Variants in ANXA11 observed in about 807,000 individuals in gnomAD.
ANXA11 encodes 56 kDa autoantigen.
In ANXA11, 57 loss-of-function variants were observed where a neutral mutation model predicts 64.7. That is an observed-to-expected ratio of 0.88 (90% CI 0.71 to 1.10). The LOEUF (loss-of-function observed/expected upper bound fraction) is 1.10, where lower values mean the gene tolerates loss of function less well. Among genes scored for constraint, ANXA11 ranks in the 50% least tolerant of loss-of-function variants. The pLI is 0.00. For missense variants in ANXA11, 675 were observed against 670.7 expected, an observed-to-expected ratio of 1.01 and a Z score of -0.07; for synonymous variants, 260 against 265.2, an observed-to-expected ratio of 0.98 and a Z score of 0.19.
In ANXA11 at chr10:80,167,602, T is replaced by G. The variant is rs551415399; in HGVS notation, c.562-289A>C. On this transcript the variant is annotated intron_variant, in intron 5 of 15. Coordinates refer to ENST00000422982, the MANE Select transcript of ANXA11 (RefSeq NM_145868.2). The stretch of plus-strand genomic sequence containing the variant: ...GCCCAGTGCCCAGGTCCTCCAGGGC[T>G]GGGGCTCAGGCTCCTGATGAAGGGC... Among the ~76,000 whole-genome samples the G allele has an allele frequency of 7.2e-5, 11 of 152,278 alleles. No homozygotes were observed. In the East Asian group the frequency reaches 1.4e-3, roughly 19 times the overall value.
intron 1 of ANXA11, among the ~76,000 whole-genome samples, chr10:80,186,865 C>T (rs1277000780): frequency 6.6e-6 from 1 of 152,230 alleles, no homozygotes; most frequent in Non-Finnish European, 1.5e-5. Flanking sequence ...CCAGGCCACT[C>T]CTCTTTGTGG....
rs1846031750 is a variant in ANXA11, at chr10:80,172,834, G to A, written c.28C>T (p.Pro10Ser). The change falls in exon 3 of 16, where the codon CCA becomes TCA. Residue 10 changes from proline to serine, a missense_variant. Coordinates refer to ENST00000422982, the MANE Select transcript of ANXA11 (RefSeq NM_145868.2). MSYPGYPPPPGGYPPAAPGG... is the reference protein window; with the variant it reads MSYPGYPPPSGGYPPAAPGG... ...GGTGCAGCTGGTGGGTAGCCACCTG[G>A]GGGCGGGGGATAGCCAGGGTAGCTC... is the stretch of plus-strand genomic sequence containing the variant. 6.2e-7 allele frequency: 1 copy of A among 1,613,920 alleles called. No homozygotes were observed. Among genetic ancestry groups the A allele is most frequent in the Admixed American group, 1.7e-5 (1 of 59,984 alleles).
intron 5 of ANXA11, 67 bp downstream of exon 5, chr10:80,168,902 T>C: frequency 7.0e-7 from 1 of 1,429,926 alleles, no homozygotes; most frequent in Non-Finnish European, 9.2e-7. Context: ...CCCCATCTAC[T>C]GAGCCATGTG....
chr10:80,161,351 T>A (rs547505321), intron 12 of ANXA11, among the ~76,000 whole-genome samples: 1 of 152,192 alleles, frequency 6.6e-6, no homozygotes, highest in Non-Finnish European at 1.5e-5. Context: ...CCCAAGCACC[T>A]CCCGGTGGAC....
intron 11 of ANXA11, 55 bp from the exon 12 acceptor site, chr10:80,162,083 C>T: frequency 6.9e-7 from 1 of 1,444,352 alleles, no homozygotes; most frequent in Non-Finnish European, 9.6e-7. Flanking sequence ...ACCCCAGGCC[C>T]AGGTCACCCA....
At chr10:80,196,391 T>A (rs1480797069) in intron 1 of ANXA11, among the ~76,000 whole-genome samples, 1 of 152,256 alleles carries the variant, frequency 6.6e-6, no homozygotes, top group Non-Finnish European at 1.5e-5. Flanking sequence ...CCTTGACACA[T>A]ACTGAATACT....
Position 80,159,183 on chromosome 10 carries a change from T to C in ANXA11, c.1193A>G (p.Tyr398Cys). 1 of 1,613,970 alleles carries C rather than the reference T, an allele frequency of 6.2e-7. No homozygotes were observed. The highest frequency in any genetic ancestry group is 8.5e-7 in the Non-Finnish European group (1 of 1,179,882). ...RAHLVAVFNE[Y>C]QRMTGRDIEK... ...AATGTCCCGGCCTGTCATTCTCTGG[T>C]ACTCATTGAAAACTATGGGGATGAC... The change falls in exon 13 of 16, where the codon TAC becomes TGC. Residue 398 changes from tyrosine (Y) to cysteine (C), a missense_variant. By Grantham distance (194) the Tyr-to-Cys change is radical. Coordinates refer to ENST00000422982, the MANE Select transcript of ANXA11 (RefSeq NM_145868.2).
At chr10:80,201,217 G>A (rs943212745) in intron 1 of ANXA11, among the ~76,000 whole-genome samples, 2 of 152,028 alleles carry the variant, frequency 1.3e-5, no homozygotes, top group African/African-American at 2.4e-5. Flanking sequence ...CACCACAGCC[G>A]CGATGCCAAG....
In ANXA11 at chr10:80,169,327, G is replaced by T. The variant is rs1332130939; in HGVS notation, c.203C>A (p.Ala68Asp). 6.2e-7 allele frequency: 1 copy of T among 1,609,160 alleles called. No individual in the cohort carries two copies. The highest frequency in any genetic ancestry group is 8.5e-7 in the Non-Finnish European group (1 of 1,179,818). Residue 68 changes from alanine (A) to aspartate (D), a missense_variant, in exon 5 of 16, where the codon GCC (alanine) becomes GAC (aspartate). Physicochemically the swap from Ala to Asp is moderately radical, Grantham distance 126. Transcript: ENST00000422982. ...AANMSGTFGG[A>D]NMPNLYPGAP... ...CCCAGGGTACAGGTTGGGCATGTTG[G>T]CTCCTCCAAATGTCCCAGACATGTT...
intron 1 of ANXA11, among the ~76,000 whole-genome samples, chr10:80,190,689 G>A (rs909618374): frequency 4.6e-5 from 7 of 150,984 alleles, no homozygotes; most frequent in Non-Finnish European, 1.0e-4. Flanking sequence ...GTTTCACCAT[G>A]TCAGCCAAGA....
At chr10:80,203,640 G>A (rs758746285) in intron 1 of ANXA11, among the ~76,000 whole-genome samples, 1 of 152,120 alleles carries the variant, frequency 6.6e-6, no homozygotes, top group Non-Finnish European at 1.5e-5. Flanking sequence ...ACAGGGCAGC[G>A]ATAAGCCACA....
Position 80,169,315 on chromosome 10 carries a change from T to G in ANXA11, c.215A>C (p.Asn72Thr). ...SGTFGGANMP[N>T]LYPGAPGAGY... ...AGCCCCAGGGGCCCCAGGGTACAGGTTGGGCATGTTGGCTCCTCCAAATGT... is the reference window on the plus strand; with the variant it reads ...AGCCCCAGGGGCCCCAGGGTACAGGGTGGGCATGTTGGCTCCTCCAAATGT... The change falls in exon 5 of 16, where the codon AAC becomes ACC. Residue 72 changes from asparagine (N) to threonine (T), a missense_variant. Coordinates refer to ENST00000422982, the MANE Select transcript of ANXA11 (RefSeq NM_145868.2). 6.2e-7 allele frequency: 1 copy of G among 1,610,214 alleles called. No homozygotes were observed. The highest frequency in any genetic ancestry group is 8.5e-7 in the Non-Finnish European group (1 of 1,179,794).
chr10:80,182,746 G>A (rs1051339397), intron 1 of ANXA11, among the ~76,000 whole-genome samples: 1 of 152,160 alleles, frequency 6.6e-6, no homozygotes, highest in Admixed American at 6.5e-5. Context: ...GAAAGAAACT[G>A]ACGCATCTGC....
chr10:80,163,540 G>A lies in ANXA11; in HGVS notation c.1023C>T (p.Leu341=), dbSNP rs1285599369. The part of the protein sequence containing the change: ...SGHFQRLLIS[L]SQGNRDESTN... ...CCTGTCGTGGGAAAAGTACCTGAGA[G>A]AGAGAGATGAGGAGCCGCTGGAAGT... The change falls in exon 10 of 16, where the codon CTC becomes CTT. Residue 341 remains leucine, a synonymous_variant. Coordinates refer to ENST00000422982, the MANE Select transcript of ANXA11 (RefSeq NM_145868.2). The A allele has an allele frequency of 1.9e-6, 3 of 1,581,562 alleles. No individual in the cohort carries two copies. The highest frequency in any genetic ancestry group is 2.6e-6 in the Non-Finnish European group (3 of 1,162,948).
At position 80,186,249 on chromosome 10, in the gene ANXA11, G is replaced by A. The variant is rs148126600; in HGVS notation, c.-57-10094C>T. 4.3e-4 allele frequency among the ~76,000 whole-genome samples: 66 copies of A among 152,112 alleles called. 2 individuals are homozygous for A. The highest frequency in any genetic ancestry group is 1.5e-3 in the African/African-American group (62 of 41,488). On this transcript the variant is annotated intron_variant, in intron 1 of 15. Transcript: ENST00000422982. ...ACAAAATAAGAAAGAGAGGACCCTGGGCTATTTGATAATGCCCAGGATGAG... is the reference window on the plus strand; with the variant it reads ...ACAAAATAAGAAAGAGAGGACCCTGAGCTATTTGATAATGCCCAGGATGAG...
In ANXA11 at chr10:80,190,592, T is replaced by C. The variant is rs952777959; in HGVS notation, c.-57-14437A>G. Among the ~76,000 whole-genome samples the C allele has an allele frequency of 6.0e-5, 9 of 150,954 alleles. No homozygotes were observed. The East Asian group carries it at 1.8e-3, about 30-fold the overall frequency. ...GCTCCACCTCCTGAGTTCATGCCGT[T>C]CTCCCGCCTCAGCCTCCTGAGTAGC... On this transcript the variant is annotated intron_variant, in intron 1 of 15. Transcript: ENST00000422982.
At chr10:80,159,322 A>G (rs1845413282) in intron 12 of ANXA11, 127 bp from the exon 13 acceptor site, 1 of 733,458 alleles carries the variant, frequency 1.4e-6, no homozygotes, top group African/African-American at 1.8e-5. Context: ...TAAAGAGGTA[A>G]TTAAGTTAAA....
intron 1 of ANXA11, among the ~76,000 whole-genome samples, chr10:80,176,881 T>A (rs748315537): frequency 6.6e-6 from 1 of 151,982 alleles, no homozygotes; most frequent in Non-Finnish European, 1.5e-5. Flanking sequence ...GGTCTTCCCC[T>A]CTCCCCAAGA....
At chr10:80,186,588 G>C (rs1017019838) in intron 1 of ANXA11, among the ~76,000 whole-genome samples, 7 of 152,304 alleles carry the variant, frequency 4.6e-5, no homozygotes, top group African/African-American at 1.7e-4. Context: ...AAACCTGCCT[G>C]GGAGAGGGAC....
Sources: allele counts gnomAD v4.1 joint callset (sites outside exome capture counted in the v4.1 genomes callset), GRCh38; gene constraint gnomAD v4.1.1; transcripts MANE v1.5; gene names NCBI Gene and HGNC (gene_info 2026-07-23, HGNC 2026-07-21).